The following MYRIP variants were observed in gnomAD, a reference collection of about 807,000 sequenced individuals.
MYRIP encodes the protein rab effector MyRIP.
A neutral mutation model predicts 98.0 loss-of-function variants in MYRIP; 49 were observed. The ratio of observed to expected loss-of-function variants is 0.50; its 90% CI spans 0.40 to 0.63. MYRIP has a LOEUF of 0.63. Ranked by LOEUF, MYRIP falls within the 30% of genes least tolerant of loss-of-function variation. The pLI, the probability that MYRIP is intolerant of heterozygous loss-of-function variation, is 0.00. For missense variants in MYRIP, 1,004 were observed against 1,058.2 expected (o/e 0.95, Z 0.71); for synonymous variants, 404 against 409.5 (o/e 0.99, Z 0.16).
intron 11 of MYRIP, among the ~76,000 whole-genome samples, 172 bp downstream of exon 11, chr3:40,210,265 G>T (rs949957596): frequency 1.1e-4 from 16 of 152,028 alleles, no homozygotes; most frequent in African/African-American, 3.9e-4. Context: ...TGCACTGGGG[G>T]GTACAATCAG....
intron 3 of MYRIP, among the ~76,000 whole-genome samples, chr3:40,118,805 A>G (rs997287871): frequency 2.7e-5 from 4 of 149,862 alleles, no homozygotes; most frequent in African/African-American, 9.9e-5. Context: ...TCCTGTGTCC[A>G]TGTGTTCTCA....
At chr3:39,979,851 C>G (rs1342534970) in intron 2 of MYRIP, among the ~76,000 whole-genome samples, 1 of 152,128 alleles carries the variant, frequency 6.6e-6, no homozygotes, top group Non-Finnish European at 1.5e-5. Flanking sequence ...CACCTTTACA[C>G]AGCACCAACA....
intron 3 of MYRIP, among the ~76,000 whole-genome samples, chr3:40,073,155 G>T (rs58266525): frequency 0.016 from 2,469 of 152,284 alleles, 53 homozygotes; most frequent in African/African-American, 0.054. Context: ...AACTACATGA[G>T]TTGGTAGGTT....
At chr3:40,250,924 G>A (rs1224685354) in intron 15 of MYRIP, among the ~76,000 whole-genome samples, 1 of 152,186 alleles carries the variant, frequency 6.6e-6, no homozygotes, top group East Asian at 1.9e-4. Flanking sequence ...TACTTCTAGA[G>A]GTATTAACTC....
intron 1 of MYRIP, among the ~76,000 whole-genome samples, chr3:39,833,597 C>CT (rs1293555047): frequency 6.6e-6 from 1 of 152,170 alleles, no homozygotes; most frequent in Non-Finnish European, 1.5e-5. Context: ...TCTCCTTTGC[C>CT]TGGCATAGCG....
intron 2 of MYRIP, among the ~76,000 whole-genome samples, chr3:39,918,883 G>A (rs973376431): frequency 6.6e-6 from 1 of 152,136 alleles, no homozygotes; most frequent in African/African-American, 2.4e-5. Flanking sequence ...GCAGCCCTCA[G>A]GGAGACTAGA....
intron 1 of MYRIP, among the ~76,000 whole-genome samples, chr3:39,899,293 G>T (rs1428886536): frequency 6.6e-6 from 1 of 152,248 alleles, no homozygotes; most frequent in East Asian, 1.9e-4. Context: ...GTTGATGAAT[G>T]TACCTATTGT....
At chr3:40,205,972 G>A (rs562671608) in intron 10 of MYRIP, among the ~76,000 whole-genome samples, 2 of 152,240 alleles carry the variant, frequency 1.3e-5, no homozygotes, top group East Asian at 3.9e-4. Flanking sequence ...TTACTAGGAA[G>A]TAGATTTATT....
chr3:39,996,156 T>C (rs974173310), intron 2 of MYRIP, among the ~76,000 whole-genome samples: 2 of 152,218 alleles, frequency 1.3e-5, no homozygotes, highest in African/African-American at 2.4e-5. Context: ...AACATCATAA[T>C]GACAGGATCA....
chr3:40,043,420 A>G (rs528019267), intron 2 of MYRIP, among the ~76,000 whole-genome samples: 8 of 152,072 alleles, frequency 5.3e-5, no homozygotes, highest in Admixed American at 1.3e-4. Flanking sequence ...AGAGAAGTGT[A>G]TGCACCGTTA....
intron 11 of MYRIP, among the ~76,000 whole-genome samples, chr3:40,210,715 C>T (rs1025464154): frequency 2.0e-5 from 3 of 152,112 alleles, no homozygotes; most frequent in East Asian, 1.9e-4. Context: ...TTTTCAGACC[C>T]ACACTCCTCC....
intron 3 of MYRIP, among the ~76,000 whole-genome samples, chr3:40,083,591 G>C (rs1006662346): frequency 1.1e-4 from 17 of 152,054 alleles, no homozygotes; most frequent in Non-Finnish European, 1.5e-5. Flanking sequence ...ACATAGAAAA[G>C]CAAATACATC....
At chr3:39,900,645 C>T in intron 1 of MYRIP, 142 bp from the exon 2 acceptor site, 1 of 454,964 alleles carries the variant, frequency 2.2e-6, no homozygotes, top group East Asian at 3.6e-5. Context: ...TAAATATTTG[C>T]TGAGTCTGAG....
intron 3 of MYRIP, among the ~76,000 whole-genome samples, chr3:40,098,911 ATG>A (rs201862052): frequency 7.5e-6 from 1 of 134,138 alleles, no homozygotes; most frequent in Non-Finnish European, 1.6e-5. Flanking sequence ...GTGGGTGTGC[ATG>A]TGTGTGCGTG....
intron 2 of MYRIP, among the ~76,000 whole-genome samples, chr3:39,981,637 TC>T (rs1945898915): frequency 6.6e-6 from 1 of 152,224 alleles, no homozygotes; most frequent in South Asian, 2.1e-4. Flanking sequence ...CTGTGATTCT[TC>T]CTTTGAGATG....
intron 3 of MYRIP, among the ~76,000 whole-genome samples, chr3:40,125,592 A>T (rs1949510953): frequency 2.6e-5 from 4 of 152,208 alleles, no homozygotes. Context: ...AATCCAGTCC[A>T]GTTGACACTC....
chr3:39,902,223 A>T (rs888057659), intron 2 of MYRIP, among the ~76,000 whole-genome samples: 1 of 152,234 alleles, frequency 6.6e-6, no homozygotes, highest in Non-Finnish European at 1.5e-5. Context: ...TGGACATCCA[A>T]AGGAGATGCC....
intron 3 of MYRIP, among the ~76,000 whole-genome samples, chr3:40,149,169 C>G (rs1950067198): frequency 6.6e-6 from 1 of 152,208 alleles, no homozygotes; most frequent in South Asian, 2.1e-4. Context: ...AAGGTGCCAG[C>G]ATCTGCTTCT....
intron 1 of MYRIP, among the ~76,000 whole-genome samples, chr3:39,893,104 A>G (rs1042530673): frequency 6.6e-6 from 1 of 152,142 alleles, no homozygotes; most frequent in Non-Finnish European, 1.5e-5. Context: ...AGATGGTTTT[A>G]TGTCTTCTAG....
Sources: allele counts gnomAD v4.1 joint callset (sites outside exome capture counted in the v4.1 genomes callset), GRCh38; gene constraint gnomAD v4.1.1; transcripts MANE v1.5; gene names NCBI Gene and HGNC (gene_info 2026-07-23, HGNC 2026-07-21).